Variants in SIL1 observed in about 807,000 individuals in gnomAD.
SIL1 encodes SIL1 nucleotide exchange factor, also known as nucleotide exchange factor SIL1.
Under a neutral mutation model 49.1 loss-of-function variants are expected in SIL1, and 40 were observed. The observed-to-expected ratio is 0.81, with a 90% CI of 0.63 to 1.06. The LOEUF is 1.06. Among genes scored for constraint, SIL1 ranks in the 50% least tolerant of loss-of-function variants. SIL1 has a pLI of 0.00. For synonymous variants in SIL1, 253 were observed against 250.8 expected, an observed-to-expected ratio of 1.01 and a Z score of -0.08; for missense variants, 500 against 572.6, an observed-to-expected ratio of 0.87 and a Z score of 1.29.
At chr5:139,196,195 T>A (rs1039734855) in intron 1 of SIL1, among the ~76,000 whole-genome samples, 15 of 151,722 alleles carry the variant, frequency 9.9e-5, no homozygotes, top group African/African-American at 3.1e-4. Flanking sequence ...ATCTGAAAAA[T>A]AATAATAATA....
intron 7 of SIL1, chr5:139,012,525 C>CA (rs1210502569): frequency 1.3e-5 from 2 of 152,160 alleles, no homozygotes; most frequent in South Asian, 2.1e-4. Flanking sequence ...CTCTTTTTTA[C>CA]AAAAACAAAA....
intron 1 of SIL1, among the ~76,000 whole-genome samples, chr5:139,154,471 T>C (rs1751369550): frequency 6.6e-6 from 1 of 152,238 alleles, no homozygotes; most frequent in Non-Finnish European, 1.5e-5. Flanking sequence ...TTAATCAACA[T>C]GTGCTGAGCA....
At chr5:139,144,044 C>T (rs7705248) in intron 1 of SIL1, among the ~76,000 whole-genome samples, 80,967 of 152,142 alleles carry the variant, frequency 0.53, 22,771 homozygotes, top group African/African-American at 0.71. Flanking sequence ...CAAAGCAATA[C>T]GCAGATGCAA....
At position 139,027,262 on chromosome 5, in the gene SIL1, T is replaced by C. The variant is rs1015038283; in HGVS notation, c.454-270A>G. Among the ~76,000 whole-genome samples, 4 of 152,218 alleles carry C rather than the reference T, an allele frequency of 2.6e-5. No homozygotes were observed. The East Asian group carries it at 5.8e-4, about 22-fold the overall frequency. On this transcript the variant is annotated intron_variant, in intron 5 of 9. Coordinates refer to ENST00000394817, the MANE Select transcript of SIL1 (RefSeq NM_022464.5). ...TCCGATTTCCAATATTCAGGAAGAATAGAAAGGCTTTTTGTCACAACCACT... is the reference window on the plus strand; with the variant it reads ...TCCGATTTCCAATATTCAGGAAGAACAGAAAGGCTTTTTGTCACAACCACT...
chr5:139,197,299 A>C (rs1362867730), intron 1 of SIL1, among the ~76,000 whole-genome samples: 5 of 148,086 alleles, frequency 3.4e-5, no homozygotes, highest in Non-Finnish European at 7.5e-5. Context: ...AAAACTGTTT[A>C]TAAACACATC....
At chr5:139,154,292 C>A (rs1751365623) in intron 1 of SIL1, among the ~76,000 whole-genome samples, 1 of 152,238 alleles carries the variant, frequency 6.6e-6, no homozygotes, top group Admixed American at 6.5e-5. Flanking sequence ...CTTCCTCTTA[C>A]AGATCCAAGT....
At chr5:138,972,712 G>A (rs1408841332) in intron 7 of SIL1, among the ~76,000 whole-genome samples, 9 of 152,204 alleles carry the variant, frequency 5.9e-5, no homozygotes, top group African/African-American at 1.9e-4. Flanking sequence ...TAATCCCAGA[G>A]AAACAGTTCA....
At chr5:139,172,750 C>T (rs976910317) in intron 1 of SIL1, among the ~76,000 whole-genome samples, 3 of 152,114 alleles carry the variant, frequency 2.0e-5, no homozygotes, top group Non-Finnish European at 4.4e-5. Flanking sequence ...TGGAGGGACC[C>T]ACTCCCAAGA....
At chr5:139,039,787 T>C (rs776066642) in intron 5 of SIL1, among the ~76,000 whole-genome samples, 1 of 152,182 alleles carries the variant, frequency 6.6e-6, no homozygotes, top group Non-Finnish European at 1.5e-5. Context: ...AACAATAATT[T>C]GTAGAATACA....
intron 1 of SIL1, among the ~76,000 whole-genome samples, chr5:139,190,631 T>C (rs903606431): frequency 2.3e-4 from 35 of 152,290 alleles, no homozygotes; most frequent in African/African-American, 7.9e-4. Context: ...TACCATTACG[T>C]GGCCCACTTC....
At chr5:139,168,175 G>A (rs1751661992) in intron 1 of SIL1, among the ~76,000 whole-genome samples, 1 of 152,140 alleles carries the variant, frequency 6.6e-6, no homozygotes, top group Non-Finnish European at 1.5e-5. Context: ...ATACCATCTA[G>A]GTTTATGTAA....
In SIL1 at chr5:138,947,242, T is replaced by C; in HGVS notation, c.1261A>G (p.Thr421Ala). The C allele has an allele frequency of 6.8e-6, 11 of 1,613,476 alleles. No individual in the cohort carries two copies. The highest frequency in any genetic ancestry group is 9.3e-6 in the Non-Finnish European group (11 of 1,179,978). The change falls in exon 10 of 10, where the codon ACA becomes GCA. Residue 421 changes from threonine (T) to alanine (A), a missense_variant. Thr to Ala is a moderately conservative substitution (Grantham distance 58, BLOSUM62 0). Transcript: ENST00000394817. This position sits in a 1 kb window ranked among gnomAD's most constrained non-coding sequence, Gnocchi z 4.1. ...RYRQDPQLGR[T>A]LASLQAEYQV... ...TACTCAGCCTGCAGGCTGGCCAGTG[T>C]CCTGCCGAGCTGGGGGTCCTGACGG...
intron 1 of SIL1, among the ~76,000 whole-genome samples, chr5:139,189,529 GTAA>G (rs1752131774): frequency 6.6e-6 from 1 of 152,232 alleles, no homozygotes; most frequent in African/African-American, 2.4e-5. Context: ...ATACTATAAT[GTAA>G]TAATAATAGA....
At chr5:139,066,189 A>G (rs1203571674) in intron 3 of SIL1, among the ~76,000 whole-genome samples, 1 of 152,092 alleles carries the variant, frequency 6.6e-6, no homozygotes, top group African/African-American at 2.4e-5. Context: ...AAGTACCAAT[A>G]ATACTATCTC....
intron 7 of SIL1, among the ~76,000 whole-genome samples, chr5:138,963,763 G>A (rs1011818451): frequency 6.6e-6 from 1 of 152,256 alleles, no homozygotes; most frequent in Non-Finnish European, 1.5e-5. Flanking sequence ...AGAGAGGCAA[G>A]TGCAGCACCC....
chr5:139,048,369 G>GTTTTT (rs35482601), intron 4 of SIL1, among the ~76,000 whole-genome samples: 15 of 87,774 alleles, frequency 1.7e-4, no homozygotes, highest in East Asian at 2.6e-4. Flanking sequence ...TTTGTTGTTG[G>GTTTTT]TTTTTTTTTT....
In SIL1 at chr5:138,947,989, G is replaced by A. The variant is rs952401928; in HGVS notation, c.1030-516C>T. Among the ~76,000 whole-genome samples the A allele has an allele frequency of 2.0e-5, 3 of 152,160 alleles. No homozygotes were observed. Among genetic ancestry groups the A allele is most frequent in the African/African-American group, 4.8e-5 (2 of 41,428 alleles). Reference sequence around the variant, plus strand: ...CCAATCCTGCCGGGCTACCAGCAGCGGGAAAGCCAACACCTGAACCATGAC... The same window carrying A: ...CCAATCCTGCCGGGCTACCAGCAGCAGGAAAGCCAACACCTGAACCATGAC... On this transcript the variant is annotated intron_variant, in intron 9 of 9. Coordinates refer to ENST00000394817, the MANE Select transcript of SIL1 (RefSeq NM_022464.5). The surrounding 1 kb of genome is among the most constrained non-coding windows in gnomAD (Gnocchi z 4.1).
At chr5:139,181,000 TC>T (rs1410557923) in intron 1 of SIL1, among the ~76,000 whole-genome samples, 1 of 152,172 alleles carries the variant, frequency 6.6e-6, no homozygotes, top group African/African-American at 2.4e-5. Context: ...GGTTAACCCT[TC>T]CCCCTGCACT....
intron 7 of SIL1, among the ~76,000 whole-genome samples, chr5:138,995,229 T>C (rs185493331): frequency 4.0e-5 from 6 of 151,304 alleles, no homozygotes; most frequent in African/African-American, 1.2e-4. Flanking sequence ...AATTGGGATA[T>C]CTATCACCTT....
Sources: allele counts gnomAD v4.1 joint callset (sites outside exome capture counted in the v4.1 genomes callset), GRCh38; gene constraint gnomAD v4.1.1; non-coding constraint Gnocchi (gnomAD v3.1); transcripts MANE v1.5; gene names NCBI Gene and HGNC (gene_info 2026-07-23, HGNC 2026-07-21).